Variants in LPP observed in about 807,000 individuals in gnomAD.
LPP encodes LIM domain containing preferred translocation partner in lipoma.
A neutral mutation model predicts 60.4 loss-of-function variants in LPP; 38 were observed. The observed-to-expected ratio is 0.63, with a 90% CI of 0.49 to 0.83. The LOEUF is 0.83. Among genes scored for constraint, LPP ranks in the 40% least tolerant of loss-of-function variants. The pLI is 0.00. For missense variants in LPP, 902 were observed against 783.6 expected, an observed-to-expected ratio of 1.15 and a Z score of -1.80; for synonymous variants, 328 against 290.8, an observed-to-expected ratio of 1.13 and a Z score of -1.30.
chr3:188,302,259 T>G (rs942866386), intron 2 of LPP, among the ~76,000 whole-genome samples: 3 of 152,208 alleles, frequency 2.0e-5, no homozygotes, highest in Non-Finnish European at 4.4e-5. Context: ...GGCTAAATGA[T>G]TTGCCTAAGT....
chr3:188,685,247 A>G (rs17607619), intron 7 of LPP, among the ~76,000 whole-genome samples: 19,987 of 152,184 alleles, frequency 0.13, 1,488 homozygotes, highest in Non-Finnish European at 0.17. Context: ...CAGTGAATTA[A>G]TGAACAAGAT....
chr3:188,217,446 ATG>A lies in LPP; in HGVS notation c.-189-7956_-189-7955del, dbSNP rs1219240511. Among the ~76,000 whole-genome samples, 1 of 152,116 alleles carries A rather than the reference ATG, an allele frequency of 6.6e-6. No individual in the cohort carries two copies. Among genetic ancestry groups the A allele is most frequent in the Non-Finnish European group, 1.5e-5 (1 of 68,038 alleles). On this transcript the variant is annotated intron_variant, in intron 1 of 11. Coordinates refer to ENST00000617246, the MANE Select transcript of LPP (RefSeq NM_001375462.1). The surrounding 1 kb of genome is among the most constrained non-coding windows in gnomAD (Gnocchi z 4.0). ...CTGAGCTTCTTAGACCTGAGTCCAG[ATG>A]TGATGGGTTATGTGTTACAGGCATC... is the stretch of plus-strand genomic sequence containing the variant.
At chr3:188,854,649 C>T (rs1425876237) in intron 9 of LPP, among the ~76,000 whole-genome samples, 1 of 152,236 alleles carries the variant, frequency 6.6e-6, no homozygotes, top group Non-Finnish European at 1.5e-5. Context: ...CTCTTTGCCA[C>T]TCCCAGGAGT....
chr3:188,443,918 G>A (rs2162259), intron 4 of LPP, among the ~76,000 whole-genome samples: 50,638 of 152,062 alleles, frequency 0.33, 9,320 homozygotes, highest in African/African-American at 0.48. Flanking sequence ...TCTTCTAACA[G>A]GCTCTCATTC....
At chr3:188,601,928 C>T (rs747835725) in intron 6 of LPP, among the ~76,000 whole-genome samples, 1 of 151,116 alleles carries the variant, frequency 6.6e-6, no homozygotes, top group Non-Finnish European at 1.5e-5. Flanking sequence ...AATGAGCTGG[C>T]GTGGTGGTGG....
chr3:188,299,945 A>G (rs532385594), intron 2 of LPP, among the ~76,000 whole-genome samples: 1 of 152,342 alleles, frequency 6.6e-6, no homozygotes, highest in Non-Finnish European at 1.5e-5. Flanking sequence ...GTTAATGCCT[A>G]TGAAAGTACT....
At chr3:188,536,085 C>T (rs1055138874) in intron 6 of LPP, among the ~76,000 whole-genome samples, 10 of 150,484 alleles carry the variant, frequency 6.6e-5, no homozygotes, top group East Asian at 2.0e-4. Flanking sequence ...CTCATCTCAC[C>T]GCAACCACTG....
intron 7 of LPP, among the ~76,000 whole-genome samples, chr3:188,675,055 G>A (rs551266293): frequency 2.9e-3 from 150 of 51,968 alleles, no homozygotes; most frequent in African/African-American, 0.01. Context: ...GAGTAATTCA[G>A]AAATTTTTTG....
At chr3:188,830,061 A>G (rs1185938766) in intron 9 of LPP, among the ~76,000 whole-genome samples, 2 of 151,968 alleles carry the variant, frequency 1.3e-5, no homozygotes, top group Non-Finnish European at 2.9e-5. Flanking sequence ...AATCATCTAA[A>G]TCATCATGTA....
intron 4 of LPP, among the ~76,000 whole-genome samples, chr3:188,438,607 A>G (rs1353957820): frequency 6.6e-6 from 1 of 152,156 alleles, no homozygotes; most frequent in Non-Finnish European, 1.5e-5. Context: ...TAAACTATGG[A>G]GGCAGGCATG....
chr3:188,686,653 T>C (rs1860798021), intron 7 of LPP, among the ~76,000 whole-genome samples: 1 of 152,236 alleles, frequency 6.6e-6, no homozygotes, highest in African/African-American at 2.4e-5. Context: ...GTCACTGTTA[T>C]GCTTTAAGCT....
chr3:188,609,663 A>G lies in LPP; in HGVS notation c.932A>G (p.Asn311Ser), dbSNP rs376761428. Residue 311 changes from asparagine (N) to serine (S), a missense_variant, in exon 7 of 12, where the codon AAT becomes AGT. Coordinates refer to ENST00000617246, the MANE Select transcript of LPP (RefSeq NM_001375462.1). This position sits in a 1 kb window ranked among gnomAD's most constrained non-coding sequence, Gnocchi z 6.9. ...YAAGPGYGGRNDSDPTYGQQG... is the reference protein window; with the variant it reads ...YAAGPGYGGRSDSDPTYGQQG... ...GCAGGGCCAGGCTATGGGGGCAGAA[A>G]TGACTCTGACCCTACCTATGGTCAA... 43 of 1,614,150 alleles carry G rather than the reference A, an allele frequency of 2.7e-5. No homozygotes were observed. The highest frequency in any genetic ancestry group is 3.5e-5 in the Non-Finnish European group (41 of 1,180,010).
intron 2 of LPP, among the ~76,000 whole-genome samples, chr3:188,290,555 C>A (rs1379972775): frequency 2.0e-5 from 3 of 152,066 alleles, no homozygotes; most frequent in Non-Finnish European, 4.4e-5. Flanking sequence ...CCGAGAAGGA[C>A]AGGTACACAG....
At chr3:188,323,524 G>T (rs1157671327) in intron 2 of LPP, among the ~76,000 whole-genome samples, 2 of 152,192 alleles carry the variant, frequency 1.3e-5, no homozygotes, top group Non-Finnish European at 1.5e-5. Context: ...AAAGTCGAGG[G>T]TAAACAGAGG....
Position 188,715,182 on chromosome 3 carries a change from A to G in LPP, c.1240+6789A>G, listed in dbSNP as rs559747907. ...ATCACGAGGTCAAGAGATCAAGACC[A>G]TCCTGGCCAACATGGTGAAACCCCA... On this transcript the variant is annotated intron_variant, in intron 8 of 11. Transcript: ENST00000617246. Among the ~76,000 whole-genome samples, 163 of 152,118 alleles carry G rather than the reference A, an allele frequency of 1.1e-3. 1 individual carries two copies. Among genetic ancestry groups the G allele is most frequent in the African/African-American group, 3.7e-3 (155 of 41,492 alleles).
intron 4 of LPP, among the ~76,000 whole-genome samples, chr3:188,475,636 C>A (rs1316144698): frequency 6.6e-6 from 1 of 152,210 alleles, no homozygotes; most frequent in Non-Finnish European, 1.5e-5. Flanking sequence ...GGCGTGGTGG[C>A]TCACGCCTAT....
At chr3:188,225,729 A>C (rs1433321509) in intron 2 of LPP, among the ~76,000 whole-genome samples, 1 of 152,234 alleles carries the variant, frequency 6.6e-6, no homozygotes, top group Non-Finnish European at 1.5e-5. Flanking sequence ...CCATGCTAAT[A>C]AAATGTGTGG....
chr3:188,543,890 T>TCACAAAA (rs1825861369), intron 6 of LPP, among the ~76,000 whole-genome samples: 1 of 151,694 alleles, frequency 6.6e-6, no homozygotes, highest in Admixed American at 6.6e-5. Flanking sequence ...CAAAAGAGAG[T>TCACAAAA]GAGGTTAGAC....
At chr3:188,306,459 T>C (rs1751576578) in intron 2 of LPP, among the ~76,000 whole-genome samples, 1 of 152,208 alleles carries the variant, frequency 6.6e-6, no homozygotes, top group Non-Finnish European at 1.5e-5. Context: ...GCAAAGCTCC[T>C]ATTTCAGTGT....
Sources: allele counts gnomAD v4.1 joint callset (sites outside exome capture counted in the v4.1 genomes callset), GRCh38; gene constraint gnomAD v4.1.1; non-coding constraint Gnocchi (gnomAD v3.1); transcripts MANE v1.5; gene names NCBI Gene and HGNC (gene_info 2026-07-23, HGNC 2026-07-21).